Variants in ARHGEF10 observed in about 807,000 individuals in gnomAD.
The protein encoded by ARHGEF10 is Rho guanine nucleotide exchange factor 10.
A neutral mutation model predicts 147.4 loss-of-function variants in ARHGEF10; 140 were observed. That is an observed-to-expected ratio of 0.95 (90% CI 0.83 to 1.09). The LOEUF (loss-of-function observed/expected upper bound fraction) is 1.09, where lower values mean the gene tolerates loss of function less well. Among genes scored for constraint, ARHGEF10 ranks in the 50% least tolerant of loss-of-function variants. The pLI is 0.00. For missense variants in ARHGEF10, 2,222 were observed against 1,752.7 expected (o/e 1.27, Z -4.78); for synonymous variants, 902 against 695.8 (o/e 1.30, Z -4.67).
intron 1 of ARHGEF10, among the ~76,000 whole-genome samples, chr8:1,841,061 C>T (rs934341968): frequency 1.3e-5 from 2 of 152,220 alleles, no homozygotes; most frequent in Non-Finnish European, 1.5e-5. Context: ...GACATGCCGT[C>T]GGGGCCTAGG....
chr8:1,934,553 A>G (rs1813418752), intron 26 of ARHGEF10, among the ~76,000 whole-genome samples: 1 of 152,136 alleles, frequency 6.6e-6, no homozygotes, highest in Non-Finnish European at 1.5e-5. Context: ...CTTAGGGAAA[A>G]TTTGCATTTG....
At chr8:1,915,274 G>C (rs1811673543) in intron 18 of ARHGEF10, among the ~76,000 whole-genome samples, 1 of 152,214 alleles carries the variant, frequency 6.6e-6, no homozygotes, top group Admixed American at 6.5e-5. Flanking sequence ...AGGGATTTTT[G>C]ATGAAAATGG....
Position 1,932,011 on chromosome 8 carries a change from G to T in ARHGEF10, c.3080-1789G>T, listed in dbSNP as rs796941379. On this transcript the variant is annotated intron_variant, in intron 25 of 28. Coordinates refer to ENST00000349830, the MANE Select transcript of ARHGEF10 (RefSeq NM_014629.4). Reference sequence around the variant, plus strand: ...CTCGTTTCAAAGGAATGGTGCTATTGGTAGGACACTGCCAAGCCACACCTG... The same window carrying T: ...CTCGTTTCAAAGGAATGGTGCTATTTGTAGGACACTGCCAAGCCACACCTG... Among the ~76,000 whole-genome samples the T allele has an allele frequency of 5.9e-5, 9 of 152,306 alleles. No individual in the cohort carries two copies. The South Asian group carries it at 1.4e-3, about 25-fold the overall frequency.
rs1803278746 is a variant in ARHGEF10, at chr8:1,832,888, GCAGACGCAGAGACAGAGAGA to G, written c.-48+8781_-48+8800del. On this transcript the variant is annotated intron_variant, in intron 1 of 28. Coordinates refer to ENST00000349830, the MANE Select transcript of ARHGEF10 (RefSeq NM_014629.4). The stretch of plus-strand genomic sequence containing the variant: ...CAGAGGCAGAGACAGAGAGACAGAG[GCAGACGCAGAGACAGAGAGA>G]CAGACAGAGGCAGAGACAGAGGCAG... Among the ~76,000 whole-genome samples the G allele has an allele frequency of 9.8e-5, 5 of 50,808 alleles. 1 individual carries two copies. In the South Asian group the frequency reaches 4.0e-3, roughly 41 times the overall value. The allele number at this position is 50,808 out of a possible 152,430, so 33.3% of individuals were successfully genotyped here.
At chr8:1,888,466 G>GTTT (rs1808987629) in intron 11 of ARHGEF10, among the ~76,000 whole-genome samples, 3 of 142,034 alleles carry the variant, frequency 2.1e-5, no homozygotes, top group Admixed American at 6.8e-5. Context: ...TGGGGTGAGG[G>GTTT]GTATTGAGGA....
intron 7 of ARHGEF10, among the ~76,000 whole-genome samples, chr8:1,873,440 G>A (rs1563209585): frequency 6.6e-6 from 1 of 151,544 alleles, no homozygotes; most frequent in South Asian, 2.1e-4. Flanking sequence ...AGGAGCCCGC[G>A]GGGTAGTGCA....
chr8:1,880,227 G>A (rs999098214), intron 9 of ARHGEF10, 63 bp downstream of exon 9: 22 of 1,137,972 alleles, frequency 1.9e-5, no homozygotes, highest in Non-Finnish European at 2.7e-5. Flanking sequence ...AAAACCGCGC[G>A]GCTCGGTCGG....
chr8:1,839,892 T>C (rs1400317359), intron 1 of ARHGEF10, among the ~76,000 whole-genome samples: 1 of 145,996 alleles, frequency 6.8e-6, no homozygotes, highest in Non-Finnish European at 1.5e-5. Context: ...CTGTCTGGTG[T>C]GGGGACTGTC....
At chr8:1,902,305 G>A (rs1384324482) in intron 15 of ARHGEF10, among the ~76,000 whole-genome samples, 1 of 152,152 alleles carries the variant, frequency 6.6e-6, no homozygotes, top group African/African-American at 2.4e-5. Context: ...AACGAAAGCT[G>A]GGAAACAAAA....
At chr8:1,863,674 GCTT>G (rs1454547502) in intron 4 of ARHGEF10, among the ~76,000 whole-genome samples, 2 of 152,108 alleles carry the variant, frequency 1.3e-5, no homozygotes, top group African/African-American at 4.8e-5. Flanking sequence ...GGGAGGGTCT[GCTT>G]CTTCTGCACT....
intron 3 of ARHGEF10, 88 bp from the exon 4 acceptor site, chr8:1,859,809 A>C (rs4294227): frequency 6.6e-7 from 1 of 1,520,470 alleles, no homozygotes; most frequent in Non-Finnish European, 9.0e-7. Flanking sequence ...GTGGGAGCTC[A>C]TACCTGCTTC....
chr8:1,916,733 T>G (rs757490050), intron 18 of ARHGEF10, among the ~76,000 whole-genome samples: 1 of 152,204 alleles, frequency 6.6e-6, no homozygotes, highest in Non-Finnish European at 1.5e-5. Flanking sequence ...CTTATCAGAC[T>G]AGGGACTTAT....
intron 15 of ARHGEF10, among the ~76,000 whole-genome samples, chr8:1,901,590 C>A (rs781553212): frequency 1.3e-5 from 2 of 152,248 alleles, no homozygotes; most frequent in Non-Finnish European, 2.9e-5. Context: ...CGAGAAACTT[C>A]ACTTTTCTCC....
At chr8:1,901,974 G>T (rs1327091998) in intron 15 of ARHGEF10, among the ~76,000 whole-genome samples, 1 of 121,646 alleles carries the variant, frequency 8.2e-6, no homozygotes, top group East Asian at 3.1e-4. Context: ...TGGTAGGCAA[G>T]ACGCAGAACC....
Position 1,889,373 on chromosome 8 carries a change from GTATGTGAGGAGACAGTGATGTGAGGCA to G in ARHGEF10, c.1182+3668_1182+3694del, listed in dbSNP as rs1343584828. 1.9e-4 allele frequency among the ~76,000 whole-genome samples: 19 copies of G among 102,198 alleles called. 2 individuals carry two copies. Among genetic ancestry groups the G allele is most frequent in the African/African-American group, 6.3e-4 (15 of 23,904 alleles). The allele number at this position is 102,198 out of a possible 152,430, so 67.0% of individuals were successfully genotyped here. ...GAGGAGACACTGAGTGGGGTGAGGG[GTATGTGAGGAGACAGTGATGTGAGGCA>G]TCTGTGAGGAGACACTGAGTGGGGT... On this transcript the variant is annotated intron_variant, in intron 11 of 28. Transcript: ENST00000349830.
At chr8:1,825,664 C>G (rs993015669) in intron 1 of ARHGEF10, among the ~76,000 whole-genome samples, 1 of 151,996 alleles carries the variant, frequency 6.6e-6, no homozygotes, top group African/African-American at 2.4e-5. Flanking sequence ...GTCTGAGTAC[C>G]CCTCCCGACT....
intron 13 of ARHGEF10, among the ~76,000 whole-genome samples, chr8:1,895,513 G>T (rs117614574): frequency 6.6e-6 from 1 of 151,938 alleles, no homozygotes; most frequent in African/African-American, 2.4e-5. Context: ...GCATAATACC[G>T]TTTATGGATC....
chr8:1,957,249 C>T lies in ARHGEF10; in HGVS notation c.4021C>T (p.Leu1341=), dbSNP rs772686804. Residue 1341 remains leucine (L), a synonymous_variant, in exon 29 of 29, where the codon CTG becomes TTG. Coordinates refer to ENST00000349830, the MANE Select transcript of ARHGEF10 (RefSeq NM_014629.4). ...APTVMVWQIP[L]LNI The stretch of plus-strand genomic sequence containing the variant: ...GACCGTCATGGTCTGGCAGATCCCT[C>T]TGCTGAATATATAAGCAGGACGGCC... 6 of 1,610,806 alleles carry T rather than the reference C, an allele frequency of 3.7e-6. No homozygotes were observed. In the South Asian group the frequency reaches 5.5e-5, roughly 15 times the overall value.
At chr8:1,950,519 ATTATTTATTTAT>A (rs566404844) in intron 27 of ARHGEF10, among the ~76,000 whole-genome samples, 3 of 151,254 alleles carry the variant, frequency 2.0e-5, no homozygotes, top group Admixed American at 6.6e-5. Flanking sequence ...TACCCTTTTT[ATTATTTATTTAT>A]TTATTTATTT....
Sources: allele counts gnomAD v4.1 joint callset (sites outside exome capture counted in the v4.1 genomes callset), GRCh38; gene constraint gnomAD v4.1.1; transcripts MANE v1.5; gene names NCBI Gene and HGNC (gene_info 2026-07-23, HGNC 2026-07-21).